CELF2: variants seen among roughly 807,000 people sequenced by gnomAD.
CELF2 encodes CUGBP Elav-like family member 2.
Under a neutral mutation model 62.6 loss-of-function variants are expected in CELF2, and 8 were observed. That is an observed-to-expected ratio of 0.13 (90% CI 0.07 to 0.23). The LOEUF (loss-of-function observed/expected upper bound fraction) is 0.23, where lower values mean the gene tolerates loss of function less well. CELF2 is among the 10% of genes least tolerant of loss of function. CELF2 has a pLI of 1.00. For synonymous variants in CELF2, 258 were observed against 250.0 expected (o/e 1.03, Z -0.30); for missense variants, 333 against 671.0 (o/e 0.50, Z 5.56).
chr10:11,284,838 T>C (rs921586843), intron 8 of CELF2, among the ~76,000 whole-genome samples: 1 of 141,760 alleles, frequency 7.1e-6, no homozygotes, highest in Non-Finnish European at 1.5e-5. Context: ...GAATAATGGA[T>C]GGATGGGTGG....
At chr10:11,127,334 A>G (rs926983317) in intron 1 of CELF2, among the ~76,000 whole-genome samples, 1 of 152,156 alleles carries the variant, frequency 6.6e-6, no homozygotes, top group Non-Finnish European at 1.5e-5. Flanking sequence ...TGCTATTGTG[A>G]ATAGTGCCCC....
intron 2 of CELF2, among the ~76,000 whole-genome samples, chr10:10,963,703 C>T (rs1295266867): frequency 2.0e-5 from 3 of 152,184 alleles, no homozygotes; most frequent in Non-Finnish European, 2.9e-5. Context: ...ATTTAGTTTA[C>T]GGCTTTTGAG....
chr10:10,856,474 C>A (rs1348450357), intron 1 of CELF2, among the ~76,000 whole-genome samples: 3 of 152,104 alleles, frequency 2.0e-5, no homozygotes, highest in African/African-American at 7.2e-5. Context: ...AAAATGACTG[C>A]ATTTTGGCTA....
the CELF2 span, among the ~76,000 whole-genome samples, chr10:10,515,884 A>G: frequency 6.6e-6 from 1 of 152,182 alleles, no homozygotes; most frequent in East Asian, 1.9e-4. Flanking sequence ...CATCTTAATG[A>G]TGGATGATGT....
At chr10:10,843,897 C>G (rs934975220) in intron 1 of CELF2, among the ~76,000 whole-genome samples, 3 of 151,880 alleles carry the variant, frequency 2.0e-5, no homozygotes, top group African/African-American at 7.3e-5. Context: ...CTTAGAATTA[C>G]TAAGATTTTT....
the CELF2 span, among the ~76,000 whole-genome samples, chr10:10,683,333 A>G: frequency 0.016 from 2,416 of 152,342 alleles, 31 homozygotes; most frequent in African/African-American, 0.035. Context: ...TTACTGATAA[A>G]TAACTCCTAT....
At chr10:11,172,576 C>T (rs926316453) in intron 2 of CELF2, among the ~76,000 whole-genome samples, 4 of 152,156 alleles carry the variant, frequency 2.6e-5, no homozygotes, top group South Asian at 2.1e-4. Flanking sequence ...AGACTGTGCC[C>T]GTCGGTCACA....
At chr10:10,651,347 C>T in the CELF2 span, among the ~76,000 whole-genome samples, 1 of 149,064 alleles carries the variant, frequency 6.7e-6, no homozygotes, top group Non-Finnish European at 1.5e-5. Flanking sequence ...AGCGGGGAAG[C>T]TCGAACTGGG....
At chr10:10,688,342 G>A in the CELF2 span, among the ~76,000 whole-genome samples, 1 of 152,200 alleles carries the variant, frequency 6.6e-6, no homozygotes, top group Non-Finnish European at 1.5e-5. Flanking sequence ...GTGAAGCAAA[G>A]CTATGACATT....
chr10:10,777,019 C>G, the CELF2 span, among the ~76,000 whole-genome samples: 1 of 152,344 alleles, frequency 6.6e-6, no homozygotes, highest in South Asian at 2.1e-4. Context: ...TCCATGGTCT[C>G]CATCTCTCCA....
chr10:11,005,266 G>GAGAGAA (rs2055010642), upstream of CELF2: 1 of 1,535,890 alleles, frequency 6.5e-7, no homozygotes, highest in Non-Finnish European at 8.7e-7. The surrounding 1 kb of genome is among the most constrained non-coding windows in gnomAD (Gnocchi z 4.3). Context: ...GAGAGAGAGA[G>GAGAGAA]AGAGAGAGAG....
chr10:11,244,392 G>A lies in CELF2; in HGVS notation c.355-4761G>A, dbSNP rs183559646. ...CCATTGGCCGGGCGTGGTGGCTCAC[G>A]CCTATAATCCCAGCACTTTGGGAGG... On this transcript the variant is annotated intron_variant, in intron 3 of 12. Coordinates refer to ENST00000633077, the MANE Select transcript of CELF2 (RefSeq NM_001326342.2). This position sits in a 1 kb window ranked among gnomAD's most constrained non-coding sequence, Gnocchi z 4.2. Among the ~76,000 whole-genome samples, 4 of 152,254 alleles carry A rather than the reference G, an allele frequency of 2.6e-5. No homozygotes were observed. In the East Asian group the frequency reaches 5.8e-4, roughly 22 times the overall value.
chr10:11,132,820 AT>A (rs2059819841), intron 1 of CELF2, among the ~76,000 whole-genome samples: 1 of 152,214 alleles, frequency 6.6e-6, no homozygotes, highest in African/African-American at 2.4e-5. Context: ...TTTGCTCATG[AT>A]GCACCCAAAA....
intron 2 of CELF2, among the ~76,000 whole-genome samples, chr10:11,196,741 A>G (rs375576251): frequency 3.9e-4 from 59 of 152,044 alleles, no homozygotes; most frequent in African/African-American, 1.3e-3. Flanking sequence ...GCAGATCACG[A>G]GGTCAGGAGT....
At chr10:10,897,611 T>C (rs2062653212) in intron 1 of CELF2, among the ~76,000 whole-genome samples, 1 of 152,152 alleles carries the variant, frequency 6.6e-6, no homozygotes, top group African/African-American at 2.4e-5. Flanking sequence ...CTGTGACTCA[T>C]GGACCCAAGC....
intron 1 of CELF2, among the ~76,000 whole-genome samples, chr10:10,898,939 CAGT>C (rs2062750302): frequency 1.3e-5 from 2 of 152,254 alleles, no homozygotes; most frequent in Admixed American, 6.5e-5. Flanking sequence ...AATTATAAAT[CAGT>C]AGGAAATCTC....
chr10:10,536,300 G>A, the CELF2 span, among the ~76,000 whole-genome samples: 46 of 152,280 alleles, frequency 3.0e-4, no homozygotes, highest in African/African-American at 1.1e-3. Flanking sequence ...TTACAGGCAT[G>A]AGCCACCATG....
chr10:10,557,025 C>T, the CELF2 span, among the ~76,000 whole-genome samples: 1 of 148,850 alleles, frequency 6.7e-6, no homozygotes, highest in South Asian at 2.2e-4. Flanking sequence ...TGTGCAGAAG[C>T]TCTTTAGTTT....
chr10:10,614,870 A>G, the CELF2 span, among the ~76,000 whole-genome samples: 1 of 152,100 alleles, frequency 6.6e-6, no homozygotes, highest in Non-Finnish European at 1.5e-5. Flanking sequence ...AAACAGACAC[A>G]GGAAAGAGCA....
Sources: gnomAD v4.1 joint callset for allele counts (sites outside exome capture counted in the v4.1 genomes callset) on GRCh38, gnomAD v4.1.1 for gene constraint, Gnocchi (gnomAD v3.1) non-coding constraint, MANE v1.5 for transcripts, NCBI Gene and HGNC (gene_info 2026-07-23, HGNC 2026-07-21) for gene names.